The following MX1 variants were observed in gnomAD, a reference collection of about 807,000 sequenced individuals.
MX1 encodes interferon-induced GTP-binding protein Mx1.
In MX1, 66 loss-of-function variants were observed where a neutral mutation model predicts 66.4. The ratio of observed to expected loss-of-function variants is 0.99; its 90% CI spans 0.82 to 1.22. The LOEUF is 1.22. Among genes scored for constraint, MX1 ranks in the 50% most tolerant of loss-of-function variants. The pLI, the probability that MX1 is intolerant of heterozygous loss-of-function variation, is 0.00. For missense variants in MX1, 787 were observed against 834.3 expected, an observed-to-expected ratio of 0.94 and a Z score of 0.70; for synonymous variants, 311 against 318.1, an observed-to-expected ratio of 0.98 and a Z score of 0.24.
At chr21:41,422,244 C>T (rs2090001329), upstream of MX1, 1 of 152,252 alleles carries the variant, frequency 6.6e-6, no homozygotes, top group Non-Finnish European at 1.5e-5. Flanking sequence ...CTGTGGTTGT[C>T]CTCATTTTTA....
rs1449676407 is a variant in MX1 at position 41,432,168 on chromosome 21, C to T, written c.98C>T (p.Pro33Leu). 8 of 1,614,002 alleles carry T rather than the reference C, an allele frequency of 5.0e-6. No homozygotes were observed. Among genetic ancestry groups the T allele is most frequent in the Non-Finnish European group, 6.8e-6 (8 of 1,180,010 alleles). Reference protein sequence around the residue: ...NGDATVAQKNPGSVAENNLCS... With the variant: ...NGDATVAQKNLGSVAENNLCS... ...GATGCTACTGTGGCCCAGAAAAATC[C>T]AGGCTCGGTAAGTTGCTCTCTGAAA... Residue 33 changes from proline (P) to leucine (L), a missense_variant, in exon 5 of 17, where the codon CCA becomes CTA. Physicochemically the swap from Pro to Leu is moderately conservative, Grantham distance 98. Coordinates refer to ENST00000398598, the MANE Select transcript of MX1 (RefSeq NM_002462.5).
chr21:41,432,074 G>C lies in MX1; in HGVS notation c.4G>C (p.Val2Leu). 6.2e-7 allele frequency: 1 copy of C among 1,614,036 alleles called. No individual in the cohort carries two copies. Among genetic ancestry groups the C allele is most frequent in the Non-Finnish European group, 8.5e-7 (1 of 1,179,994 alleles). Reference sequence around the variant, plus strand: ...GCTTACTTTGCAAAGAAGGAAGATGGTTGTTTCCGAAGTGGACATCGCAAA... The same window carrying C: ...GCTTACTTTGCAAAGAAGGAAGATGCTTGTTTCCGAAGTGGACATCGCAAA... M[V>L]VSEVDIAKAD... The change falls in exon 5 of 17, where the codon GTT becomes CTT. Residue 2 changes from valine to leucine, a missense_variant. Val to Leu is a conservative substitution (Grantham distance 32). Coordinates refer to ENST00000398598, the MANE Select transcript of MX1 (RefSeq NM_002462.5).
At chr21:41,451,627 A>G (rs1009317130) in intron 15 of MX1, among the ~76,000 whole-genome samples, 3 of 152,160 alleles carry the variant, frequency 2.0e-5, no homozygotes, top group African/African-American at 7.2e-5. Flanking sequence ...TAAAGCCAGG[A>G]GTTTGAGACC....
chr21:41,458,150 G>A (rs1016307029), intron 16 of MX1, among the ~76,000 whole-genome samples: 1 of 152,150 alleles, frequency 6.6e-6, no homozygotes, highest in African/African-American at 2.4e-5. Context: ...GCCACACCTG[G>A]CTATTTTTTG....
intron 2 of MX1, among the ~76,000 whole-genome samples, chr21:41,427,505 C>G (rs2146051009): frequency 6.7e-6 from 1 of 149,598 alleles, no homozygotes; most frequent in East Asian, 2.0e-4. Context: ...GCACATGTAC[C>G]CCAGAACTTA....
At chr21:41,451,768 G>A (rs2090834592) in intron 15 of MX1, among the ~76,000 whole-genome samples, 1 of 150,228 alleles carries the variant, frequency 6.7e-6, no homozygotes, top group South Asian at 2.1e-4. Flanking sequence ...CCAGGAGGTG[G>A]AAGTTGCAGT....
chr21:41,458,865 C>G lies in MX1; in HGVS notation c.*107C>G, dbSNP rs116752870. 1.4e-6 allele frequency: 2 copies of G among 1,466,644 alleles called. No individual in the cohort carries two copies. The highest frequency in any genetic ancestry group is 1.8e-6 in the Non-Finnish European group (2 of 1,108,988). The allele number at this position is 1,466,644 out of a possible 1,614,324, so 90.9% of individuals were successfully genotyped here. ...TGCTCAGTAGTCAGACTGGATAGTC[C>G]GTCTCTGCTTATCCGTTAGCCGTGG... is the stretch of plus-strand genomic sequence containing the variant. On this transcript the variant is annotated 3_prime_UTR_variant, in exon 17 of 17. Coordinates refer to ENST00000398598, the MANE Select transcript of MX1 (RefSeq NM_002462.5).
chr21:41,436,134 C>T, intron 6 of MX1, 105 bp downstream of exon 6: 1 of 1,345,208 alleles, frequency 7.4e-7, no homozygotes, highest in Non-Finnish European at 1.0e-6. Context: ...GTTCTGGAGA[C>T]TGGAAGTCCA....
intron 14 of MX1, chr21:41,449,632 T>A: frequency 5.0e-6 from 1 of 198,450 alleles, no homozygotes; most frequent in Non-Finnish European, 1.0e-5. Context: ...AACCAAGAAC[T>A]CTGGAACACA....
At chr21:41,448,202 G>T (rs1359073090) in intron 13 of MX1, among the ~76,000 whole-genome samples, 3 of 152,160 alleles carry the variant, frequency 2.0e-5, no homozygotes, top group Admixed American at 6.5e-5. Context: ...AGTGTGGATT[G>T]TTGGGAGTAC....
intron 12 of MX1, 174 bp downstream of exon 12, chr21:41,445,744 G>C (rs1196950908): frequency 3.3e-6 from 3 of 913,168 alleles, no homozygotes; most frequent in South Asian, 3.5e-5. Flanking sequence ...GTGCAGATGT[G>C]GGGGTGGAGT....
At chr21:41,438,894 G>C (rs886841150) in intron 7 of MX1, among the ~76,000 whole-genome samples, 1 of 151,852 alleles carries the variant, frequency 6.6e-6, no homozygotes, top group Non-Finnish European at 1.5e-5. Context: ...TGTTTCCAAG[G>C]CCCCCCCGTG....
upstream of MX1, among the ~76,000 whole-genome samples, chr21:41,424,802 A>G (rs753570562): frequency 6.6e-6 from 1 of 152,386 alleles, no homozygotes; most frequent in East Asian, 1.9e-4. Context: ...TCGGGCCAAC[A>G]GCAGGCTCAT....
intron 1 of MX1, chr21:41,420,828 A>C (rs968189283): frequency 2.0e-5 from 3 of 152,308 alleles, no homozygotes; most frequent in African/African-American, 7.2e-5. Context: ...GTCAGGCTCC[A>C]CTGGGCCCTG....
chr21:41,441,728 A>C lies in MX1; in HGVS notation c.743A>C (p.Lys248Thr). 2 of 1,614,180 alleles carry C rather than the reference A, an allele frequency of 1.2e-6. No individual in the cohort carries two copies. The highest frequency in any genetic ancestry group is 1.7e-6 in the Non-Finnish European group (2 of 1,180,030). Reference sequence around the variant, plus strand: ...ATCTGGCTCGCAGGAATCTTGACGAAGCCTGATCTGGTGGACAAAGGAACT... The same window carrying C: ...ATCTGGCTCGCAGGAATCTTGACGACGCCTGATCTGGTGGACAAAGGAACT... ...EGDRTIGILT[K>T]PDLVDKGTED... is the part of the protein sequence containing the mutation. The change falls in exon 10 of 17, where the codon AAG becomes ACG. Residue 248 changes from lysine to threonine, a missense_variant. By Grantham distance (78) the Lys-to-Thr change is moderately conservative (BLOSUM62 -1). Transcript: ENST00000398598. This position sits in a 1 kb window ranked among gnomAD's most constrained non-coding sequence, Gnocchi z 4.0.
At chr21:41,446,767 G>A (rs1025102606) in intron 13 of MX1, among the ~76,000 whole-genome samples, 2 of 152,166 alleles carry the variant, frequency 1.3e-5, no homozygotes, top group Admixed American at 6.5e-5. Flanking sequence ...CCTTCCTAAA[G>A]GTCTCCTCTG....
Position 41,441,364 on chromosome 21 carries a change from G to A in MX1, c.730+339G>A, listed in dbSNP as rs985104573. On this transcript the variant is annotated intron_variant, in intron 9 of 16. Transcript: ENST00000398598. The surrounding 1 kb of genome is among the most constrained non-coding windows in gnomAD (Gnocchi z 4.0). ...TTGCTCAGAAAGGCACAGTGGGCTC[G>A]GAAGCAGGTCAAACTCAGGAGGCAC... 9.3e-5 allele frequency: 40 copies of A among 429,768 alleles called. No homozygotes were observed. The highest frequency in any genetic ancestry group is 2.2e-4 in the South Asian group (8 of 35,974). The allele number at this position is 429,768 out of a possible 1,614,324, so 26.6% of individuals were successfully genotyped here. A position where few individuals can be genotyped will look rare whatever the true frequency, so the allele number is the denominator to read the frequency against.
At chr21:41,426,884 C>G (rs2090077525) in intron 1 of MX1, 1 of 152,310 alleles carries the variant, frequency 6.6e-6, no homozygotes, top group African/African-American at 2.4e-5. Flanking sequence ...CTGGGGCCTC[C>G]CCGGCGCGTG....
intron 5 of MX1, among the ~76,000 whole-genome samples, chr21:41,435,248 G>T (rs773281252): frequency 2.6e-5 from 4 of 152,156 alleles, no homozygotes; most frequent in Admixed American, 2.6e-4. Context: ...TGATGTTTAT[G>T]TTTGCTGTGC....
Sources: gnomAD v4.1 joint callset for allele counts (sites outside exome capture counted in the v4.1 genomes callset) on GRCh38, gnomAD v4.1.1 for gene constraint, Gnocchi (gnomAD v3.1) non-coding constraint, MANE v1.5 for transcripts, NCBI Gene and HGNC (gene_info 2026-07-23, HGNC 2026-07-21) for gene names.